Variants in CNTN5 observed in about 807,000 individuals in gnomAD.
CNTN5 encodes contactin-5.
A neutral mutation model predicts 129.1 loss-of-function variants in CNTN5; 77 were observed. The observed-to-expected ratio is 0.60, with a 90% CI of 0.50 to 0.72. The LOEUF is 0.72. CNTN5 is among the 30% of genes least tolerant of loss of function. The pLI is 0.00. For missense variants in CNTN5, 1,478 were observed against 1,328.8 expected, an observed-to-expected ratio of 1.11 and a Z score of -1.75; for synonymous variants, 509 against 465.6, an observed-to-expected ratio of 1.09 and a Z score of -1.20.
intron 2 of CNTN5, among the ~76,000 whole-genome samples, chr11:99,427,832 C>T (rs978689576): frequency 1.5e-5 from 2 of 134,752 alleles, no homozygotes; most frequent in Non-Finnish European, 3.2e-5. Context: ...CAAATGAATA[C>T]TTTAAGGAAA....
intron 3 of CNTN5, among the ~76,000 whole-genome samples, chr11:99,615,231 A>C (rs1950723546): frequency 6.6e-6 from 1 of 151,962 alleles, no homozygotes; most frequent in Non-Finnish European, 1.5e-5. Flanking sequence ...TGTTTCATGC[A>C]AATGAGAGGA....
rs1191454669 is a variant in CNTN5 at position 99,641,811 on chromosome 11, A to G, written c.55+85542A>G. On this transcript the variant is annotated intron_variant, in intron 3 of 24. Transcript: ENST00000524871. The stretch of plus-strand genomic sequence containing the variant: ...CTTTGCCTATCTCCCAACTTTTCCA[A>G]CCCTGCTCAATCCTGCTATTAAATA... Among the ~76,000 whole-genome samples, 4 of 152,106 alleles carry G rather than the reference A, an allele frequency of 2.6e-5. No individual in the cohort carries two copies. In the East Asian group the frequency reaches 7.7e-4, roughly 29 times the overall value.
At chr11:100,306,823 C>T (rs537573305) in intron 20 of CNTN5, among the ~76,000 whole-genome samples, 4 of 151,458 alleles carry the variant, frequency 2.6e-5, no homozygotes, top group South Asian at 2.1e-4. Flanking sequence ...AGGGAAACCA[C>T]GGAGCAAAAG....
At chr11:100,285,478 G>C (rs1950759653) in intron 18 of CNTN5, among the ~76,000 whole-genome samples, 1 of 152,080 alleles carries the variant, frequency 6.6e-6, no homozygotes. Context: ...ACCCGTGGCT[G>C]GCCTTCCCAT....
intron 7 of CNTN5, among the ~76,000 whole-genome samples, chr11:99,944,815 G>A (rs1169680359): frequency 2.6e-5 from 4 of 152,030 alleles, no homozygotes; most frequent in African/African-American, 9.7e-5. Flanking sequence ...GGGACATGAA[G>A]GGACCTCTTC....
At chr11:100,063,275 T>G (rs1387522501) in intron 10 of CNTN5, among the ~76,000 whole-genome samples, 1 of 152,066 alleles carries the variant, frequency 6.6e-6, no homozygotes, top group Non-Finnish European at 1.5e-5. Flanking sequence ...CTGGTGTACA[T>G]TCTAGTGAGA....
intron 2 of CNTN5, among the ~76,000 whole-genome samples, chr11:99,473,318 A>G (rs183071688): frequency 1.3e-5 from 2 of 152,272 alleles, no homozygotes; most frequent in African/African-American, 2.4e-5. Flanking sequence ...ACATATATCT[A>G]CTTGTCAAAG....
chr11:99,228,346 G>C (rs987754419), intron 1 of CNTN5, among the ~76,000 whole-genome samples: 13 of 152,080 alleles, frequency 8.5e-5, no homozygotes, highest in Admixed American at 5.9e-4. Flanking sequence ...TGTGAGAGGA[G>C]TTTAGCACAC....
intron 2 of CNTN5, among the ~76,000 whole-genome samples, chr11:99,488,947 C>T (rs1159791369): frequency 2.6e-5 from 4 of 152,042 alleles, no homozygotes; most frequent in Non-Finnish European, 4.4e-5. Context: ...TATTAGACTA[C>T]TATTTTTGAA....
intron 2 of CNTN5, among the ~76,000 whole-genome samples, chr11:99,442,180 AT>A (rs750711362): frequency 1.1e-4 from 17 of 151,586 alleles, no homozygotes; most frequent in Admixed American, 2.6e-4. Flanking sequence ...GGCTATATAT[AT>A]TTTTTTTTTA....
In CNTN5 at chr11:99,514,176, T is replaced by C. The variant is rs545578005; in HGVS notation, c.-70-41969T>C. 1.5e-4 allele frequency among the ~76,000 whole-genome samples: 23 copies of C among 152,202 alleles called. No individual in the cohort carries two copies. The South Asian group carries it at 3.1e-3, about 21-fold the overall frequency. The stretch of plus-strand genomic sequence containing the variant: ...GGAAATAGTAAGAAAATTAGAATTA[T>C]AACTGAAACATAAAGACGTAACTGA... On this transcript the variant is annotated intron_variant, in intron 2 of 24. Transcript: ENST00000524871.
At chr11:100,197,140 C>T (rs1359911888) in intron 15 of CNTN5, among the ~76,000 whole-genome samples, 6 of 151,850 alleles carry the variant, frequency 4.0e-5, no homozygotes, top group South Asian at 4.1e-4. Flanking sequence ...TCAGACAGAG[C>T]GAGCACGTTG....
At position 99,523,415 on chromosome 11, in the gene CNTN5, C is replaced by T. The variant is rs1480474717; in HGVS notation, c.-70-32730C>T. ...TTCCAGACCAGCCTAGGCGACGTGG[C>T]GAAACCCCATCTCTACAAAAAACAC... On this transcript the variant is annotated intron_variant, in intron 2 of 24. Coordinates refer to ENST00000524871, the MANE Select transcript of CNTN5 (RefSeq NM_014361.4). Among the ~76,000 whole-genome samples, 9 of 151,824 alleles carry T rather than the reference C, an allele frequency of 5.9e-5. No individual in the cohort carries two copies. In the East Asian group the frequency reaches 1.2e-3, roughly 20 times the overall value.
chr11:99,076,274 G>A (rs1483298072), intron 1 of CNTN5, among the ~76,000 whole-genome samples: 1 of 152,138 alleles, frequency 6.6e-6, no homozygotes, highest in African/African-American at 2.4e-5. Flanking sequence ...GCTAGAGGCT[G>A]CAGTGAACCG....
chr11:100,134,005 G>A (rs1465590181), intron 13 of CNTN5, among the ~76,000 whole-genome samples: 6 of 151,990 alleles, frequency 3.9e-5, no homozygotes, highest in Admixed American at 2.6e-4. Flanking sequence ...AGAAAATAAC[G>A]AAGGATTGCC....
chr11:99,190,858 A>G (rs974528002), intron 1 of CNTN5, among the ~76,000 whole-genome samples: 5 of 151,558 alleles, frequency 3.3e-5, no homozygotes, highest in African/African-American at 1.2e-4. Context: ...TAACTCCTCA[A>G]GCTAGAACAT....
intron 2 of CNTN5, among the ~76,000 whole-genome samples, chr11:99,415,121 C>T (rs1290475590): frequency 1.3e-5 from 2 of 152,122 alleles, no homozygotes; most frequent in African/African-American, 4.8e-5. Context: ...CATCATCCAT[C>T]ATAAGGGTCG....
chr11:99,235,455 A>T (rs1291771499), intron 1 of CNTN5, among the ~76,000 whole-genome samples: 2 of 152,150 alleles, frequency 1.3e-5, no homozygotes, highest in Admixed American at 1.3e-4. Context: ...CATCCCTAAG[A>T]TTAAAAACAT....
intron 15 of CNTN5, among the ~76,000 whole-genome samples, chr11:100,198,384 G>T (rs1465402006): frequency 6.7e-6 from 1 of 150,336 alleles, no homozygotes; most frequent in Admixed American, 6.7e-5. Context: ...ACTGAGCTAA[G>T]ATAGATGGAT....
Sources: allele counts gnomAD v4.1 joint callset (sites outside exome capture counted in the v4.1 genomes callset), GRCh38; gene constraint gnomAD v4.1.1; transcripts MANE v1.5; gene names NCBI Gene and HGNC (gene_info 2026-07-23, HGNC 2026-07-21).